The following LTBP1 variants were observed in gnomAD, a reference collection of about 807,000 sequenced individuals.
The protein encoded by LTBP1 is latent-transforming growth factor beta-binding protein 1.
Under a neutral mutation model 207.6 loss-of-function variants are expected in LTBP1, and 129 were observed. The observed-to-expected ratio is 0.62, with a 90% CI of 0.54 to 0.72. The LOEUF is 0.72. LTBP1 is among the 30% of genes least tolerant of loss of function. The pLI, the probability that LTBP1 is intolerant of heterozygous loss-of-function variation, is 0.00. For missense variants in LTBP1, 2,281 were observed against 2,217.2 expected (o/e 1.03, Z -0.58); for synonymous variants, 963 against 833.7 (o/e 1.16, Z -2.67).
chr2:33,197,377 T>C (rs2088681647), intron 7 of LTBP1, among the ~76,000 whole-genome samples: 1 of 152,232 alleles, frequency 6.6e-6, no homozygotes, highest in Non-Finnish European at 1.5e-5. Context: ...ACTGTTAGAA[T>C]GACAATTCCA....
At chr2:33,209,082 A>G (rs1186485575) in intron 7 of LTBP1, among the ~76,000 whole-genome samples, 2 of 151,924 alleles carry the variant, frequency 1.3e-5, no homozygotes, top group African/African-American at 4.8e-5. Context: ...CATGTTGGCC[A>G]GGCTGGTTTC....
intron 4 of LTBP1, among the ~76,000 whole-genome samples, chr2:33,122,288 C>T (rs2081178620): frequency 6.6e-6 from 1 of 152,186 alleles, no homozygotes; most frequent in Non-Finnish European, 1.5e-5. Context: ...TCCTAGATTA[C>T]CATTTCAGCA....
chr2:33,109,758 A>C (rs991061334), intron 3 of LTBP1, among the ~76,000 whole-genome samples: 5 of 152,230 alleles, frequency 3.3e-5, no homozygotes, highest in Non-Finnish European at 5.9e-5. Context: ...TTTATATTTC[A>C]AAAGGAAATT....
intron 32 of LTBP1, among the ~76,000 whole-genome samples, chr2:33,396,485 G>A (rs1193679097): frequency 6.6e-6 from 1 of 152,336 alleles, no homozygotes; most frequent in Non-Finnish European, 1.5e-5. Context: ...GCCTCCCAAA[G>A]TGCTGGGATT....
At chr2:33,062,670 G>A (rs1163319891) in intron 3 of LTBP1, among the ~76,000 whole-genome samples, 2 of 152,170 alleles carry the variant, frequency 1.3e-5, no homozygotes, top group Admixed American at 1.3e-4. Flanking sequence ...TGATCCTTAT[G>A]CTAGTACAGT....
chr2:33,099,521 G>A (rs2079588386), intron 3 of LTBP1, among the ~76,000 whole-genome samples: 1 of 152,168 alleles, frequency 6.6e-6, no homozygotes, highest in South Asian at 2.1e-4. Flanking sequence ...TGTGCTAGTT[G>A]AACTCTGAAA....
intron 3 of LTBP1, among the ~76,000 whole-genome samples, chr2:33,074,057 A>G (rs1353221334): frequency 6.6e-6 from 1 of 152,222 alleles, no homozygotes; most frequent in African/African-American, 2.4e-5. Flanking sequence ...AGCATTCTGC[A>G]CATTTTATTT....
intron 2 of LTBP1, among the ~76,000 whole-genome samples, chr2:32,964,695 A>G (rs1679669403): frequency 6.6e-6 from 1 of 152,182 alleles, no homozygotes; most frequent in African/African-American, 2.4e-5. Context: ...AGAATTACCT[A>G]AATACTAAGT....
intron 22 of LTBP1, among the ~76,000 whole-genome samples, chr2:33,302,982 C>A (rs1299912565): frequency 1.3e-5 from 2 of 149,202 alleles, no homozygotes; most frequent in African/African-American, 5.0e-5. Flanking sequence ...CACACACACA[C>A]ACAAACACAC....
At chr2:33,043,621 C>T (rs759558740) in intron 3 of LTBP1, among the ~76,000 whole-genome samples, 22 of 151,632 alleles carry the variant, frequency 1.5e-4, no homozygotes, top group Non-Finnish European at 2.8e-4. Context: ...ATTTGATGGA[C>T]CAAGAGGAGA....
chr2:33,380,573 A>G (rs1443226674), intron 31 of LTBP1, among the ~76,000 whole-genome samples: 1 of 152,158 alleles, frequency 6.6e-6, no homozygotes, highest in Non-Finnish European at 1.5e-5. Context: ...CCGTCTTTAA[A>G]AAAAAAAGAA....
chr2:33,389,169 T>A lies in LTBP1; in HGVS notation c.4712-15T>A, dbSNP rs2150573377. ...TAACAGTGGTGGGGCCTCATGCTGC[T>A]TGTCTACTCCTTAGATGACTATGCT... On this transcript the variant is annotated splice_polypyrimidine_tract_variant and intron_variant, in intron 31 of 33. Transcript: ENST00000404816. The A allele has an allele frequency of 6.2e-7, 1 of 1,614,088 alleles. No homozygotes were observed. Among genetic ancestry groups the A allele is most frequent in the Non-Finnish European group, 8.5e-7 (1 of 1,179,972 alleles).
At chr2:33,096,791 G>A (rs760694004) in intron 3 of LTBP1, among the ~76,000 whole-genome samples, 1 of 152,146 alleles carries the variant, frequency 6.6e-6, no homozygotes, top group Non-Finnish European at 1.5e-5. Flanking sequence ...CATGATTTTA[G>A]TTCTAGCTAC....
chr2:32,952,280 C>G (rs1387513657), intron 2 of LTBP1, among the ~76,000 whole-genome samples: 1 of 152,178 alleles, frequency 6.6e-6, no homozygotes, highest in Non-Finnish European at 1.5e-5. Flanking sequence ...AAGCAAGCGG[C>G]AGACTCACAC....
chr2:33,125,249 A>G (rs116510925), intron 4 of LTBP1, among the ~76,000 whole-genome samples: 14 of 152,330 alleles, frequency 9.2e-5, no homozygotes, highest in African/African-American at 2.9e-4. Flanking sequence ...ACTGTTCCCT[A>G]GCAGAATGAC....
chr2:33,394,252 T>C (rs139838813), intron 32 of LTBP1, among the ~76,000 whole-genome samples: 3,900 of 152,336 alleles, frequency 0.026, 178 homozygotes, highest in African/African-American at 0.088. Flanking sequence ...GGTTGCCTGT[T>C]CACTCTGATG....
chr2:33,198,657 T>G (rs2088847610), intron 7 of LTBP1, among the ~76,000 whole-genome samples: 1 of 152,224 alleles, frequency 6.6e-6, no homozygotes, highest in Non-Finnish European at 1.5e-5. Flanking sequence ...ATTTATCCAT[T>G]TCTTCTAGAT....
chr2:33,211,670 C>A lies in LTBP1; in HGVS notation c.1702-5882C>A, dbSNP rs80317296. Among the ~76,000 whole-genome samples, 4 of 152,288 alleles carry A rather than the reference C, an allele frequency of 2.6e-5. No homozygotes were observed. The South Asian group carries it at 8.3e-4, about 32-fold the overall frequency. On this transcript the variant is annotated intron_variant, in intron 7 of 33. Transcript: ENST00000404816. Reference sequence around the variant, plus strand: ...AGCAAACACTCTTGGAATGAGGGTACGTTGTAGGCACTATAGGTACCAGCG... The same window carrying A: ...AGCAAACACTCTTGGAATGAGGGTAAGTTGTAGGCACTATAGGTACCAGCG...
At chr2:33,272,361 T>C (rs1217637776) in intron 15 of LTBP1, among the ~76,000 whole-genome samples, 1 of 152,218 alleles carries the variant, frequency 6.6e-6, no homozygotes, top group African/African-American at 2.4e-5. Context: ...GTTGTCATGC[T>C]CAGAGGCGCC....
Sources: gnomAD v4.1 joint callset for allele counts (sites outside exome capture counted in the v4.1 genomes callset) on GRCh38, gnomAD v4.1.1 for gene constraint, MANE v1.5 for transcripts, NCBI Gene and HGNC (gene_info 2026-07-23, HGNC 2026-07-21) for gene names.